BPTF: variants seen among roughly 807,000 people sequenced by gnomAD.
BPTF encodes the protein bromodomain PHD finger transcription factor, also known as nucleosome-remodeling factor subunit BPTF.
A neutral mutation model predicts 292.5 loss-of-function variants in BPTF; 18 were observed. The ratio of observed to expected loss-of-function variants is 0.06; its 90% CI spans 0.04 to 0.09. The LOEUF (loss-of-function observed/expected upper bound fraction) is 0.09. Ranked by LOEUF, BPTF falls within the 10% of genes least tolerant of loss-of-function variation. BPTF has a pLI of 1.00. For synonymous variants in BPTF, 1,225 were observed against 1,251.9 expected (o/e 0.98, Z 0.45); for missense variants, 2,726 against 3,498.7 (o/e 0.78, Z 5.57).
chr17:67,899,054 A>C (rs2061644744), intron 7 of BPTF, among the ~76,000 whole-genome samples: 1 of 152,194 alleles, frequency 6.6e-6, no homozygotes, highest in South Asian at 2.1e-4. Context: ...TAACACATAC[A>C]ATTTTGTTCC....
At chr17:67,909,047 C>A (rs1396138574) in intron 9 of BPTF, among the ~76,000 whole-genome samples, 1 of 151,552 alleles carries the variant, frequency 6.6e-6, no homozygotes, top group Non-Finnish European at 1.5e-5. Context: ...GTTAGCCAGG[C>A]TGGTCTCAAA....
intron 19 of BPTF, among the ~76,000 whole-genome samples, chr17:67,941,084 G>A (rs2065323539): frequency 6.6e-6 from 1 of 152,200 alleles, no homozygotes; most frequent in South Asian, 2.1e-4. Context: ...TTATATGGAG[G>A]TACAAAGTAT....
chr17:67,913,222 A>G (rs994229138), intron 11 of BPTF, 35 bp downstream of exon 11: 3 of 1,522,118 alleles, frequency 2.0e-6, no homozygotes, highest in Non-Finnish European at 2.6e-6. Context: ...GGGAGGGAGA[A>G]AATTTTAAAA....
At chr17:67,964,108 CTATT>C (rs1161565396) in intron 24 of BPTF, 100 bp from the exon 25 acceptor site, 2 of 1,132,576 alleles carry the variant, frequency 1.8e-6, no homozygotes, top group Non-Finnish European at 2.5e-6. Context: ...AATACTAAAA[CTATT>C]TTATATCCCA....
intron 4 of BPTF, among the ~76,000 whole-genome samples, chr17:67,885,696 A>G (rs1567978248): frequency 6.6e-6 from 1 of 152,208 alleles, no homozygotes; most frequent in Admixed American, 6.5e-5. Flanking sequence ...TTCTGTTTCT[A>G]ATACTATTTG....
chr17:67,927,743 T>A (rs1303411570), intron 15 of BPTF, among the ~76,000 whole-genome samples: 2 of 152,200 alleles, frequency 1.3e-5, no homozygotes, highest in Admixed American at 6.5e-5. Context: ...GAAAAACTTG[T>A]TATAAAATTT....
chr17:67,929,172 A>G (rs943569069), intron 16 of BPTF, 164 bp from the exon 17 acceptor site: 1 of 1,396,606 alleles, frequency 7.2e-7, no homozygotes, highest in South Asian at 1.8e-5. Context: ...TACTGTTGCC[A>G]TTATTTTTCA....
chr17:67,907,512 C>A (rs531159984), intron 9 of BPTF, among the ~76,000 whole-genome samples: 1 of 151,898 alleles, frequency 6.6e-6, no homozygotes, highest in African/African-American at 2.4e-5. Context: ...CCCGCCACCA[C>A]GCCGAGCTAA....
intron 24 of BPTF, among the ~76,000 whole-genome samples, chr17:67,961,382 T>C (rs1313278686): frequency 5.3e-5 from 8 of 152,202 alleles, no homozygotes; most frequent in Non-Finnish European, 1.5e-5. Context: ...TTTCGTAATC[T>C]CTTGTCCCAA....
intron 15 of BPTF, among the ~76,000 whole-genome samples, chr17:67,925,992 CTTTTTT>C (rs60083535): frequency 1.1e-3 from 61 of 56,608 alleles, no homozygotes; most frequent in Admixed American, 1.4e-3. Context: ...TAACATATTA[CTTTTTT>C]TTTTTTTTTT....
chr17:67,901,989 A>G (rs932764724), intron 7 of BPTF, among the ~76,000 whole-genome samples: 1 of 152,232 alleles, frequency 6.6e-6, no homozygotes, highest in African/African-American at 2.4e-5. Flanking sequence ...GTGGAGTTGA[A>G]GTTGAGTTCA....
At chr17:67,842,698 C>G (rs2057652351) in intron 1 of BPTF, among the ~76,000 whole-genome samples, 1 of 151,552 alleles carries the variant, frequency 6.6e-6, no homozygotes, top group East Asian at 1.9e-4. Flanking sequence ...GTGATAGAGA[C>G]TGTCCCCAAC....
At chr17:67,876,938 C>T (rs2060085898) in intron 4 of BPTF, among the ~76,000 whole-genome samples, 1 of 152,142 alleles carries the variant, frequency 6.6e-6, no homozygotes, top group Non-Finnish European at 1.5e-5. Flanking sequence ...GGGTCATTAG[C>T]AGGGTGAGAG....
intron 26 of BPTF, among the ~76,000 whole-genome samples, chr17:67,967,953 G>A (rs1196479052): frequency 6.6e-6 from 1 of 151,316 alleles, no homozygotes; most frequent in Non-Finnish European, 1.5e-5. Flanking sequence ...GGGTCTCTTT[G>A]ATCCTCTCAT....
At chr17:67,870,411 A>T (rs2059651248) in intron 3 of BPTF, among the ~76,000 whole-genome samples, 2 of 152,064 alleles carry the variant, frequency 1.3e-5, no homozygotes. Context: ...GGTGTTTTAC[A>T]ATTCTTTAAT....
At position 67,947,292 on chromosome 17, in the gene BPTF, C is replaced by T. The variant is rs140450037; in HGVS notation, c.7618-434C>T. Among the ~76,000 whole-genome samples, 42 of 152,214 alleles carry T rather than the reference C, an allele frequency of 2.8e-4. No individual in the cohort carries two copies. The East Asian group carries it at 5.6e-3, about 20-fold the overall frequency. On this transcript the variant is annotated intron_variant, in intron 21 of 27. Transcript: ENST00000306378. ...AGAATTACTACACTGTCTGTCTATC[C>T]GCTAATCTTTGTATAGGGGAGACGA... is the stretch of plus-strand genomic sequence containing the variant.
chr17:67,906,516 A>C (rs536473253), intron 9 of BPTF, among the ~76,000 whole-genome samples: 2 of 152,344 alleles, frequency 1.3e-5, no homozygotes, highest in African/African-American at 4.8e-5. Context: ...CGATTATTTC[A>C]CGAGGGTGCC....
intron 2 of BPTF, among the ~76,000 whole-genome samples, chr17:67,855,773 T>G (rs1481522545): frequency 6.6e-6 from 1 of 152,218 alleles, no homozygotes; most frequent in Non-Finnish European, 1.5e-5. Context: ...CTTCCAGTTC[T>G]TAGAATTAGG....
chr17:67,881,498 T>G (rs1005237619), intron 4 of BPTF, among the ~76,000 whole-genome samples: 24,472 of 131,400 alleles, frequency 0.19, 2,907 homozygotes, highest in East Asian at 0.57. Context: ...AAGGTTTTTT[T>G]TTTTTTTTTT....
Sources: gnomAD v4.1 joint callset for allele counts (sites outside exome capture counted in the v4.1 genomes callset) on GRCh38, gnomAD v4.1.1 for gene constraint, MANE v1.5 for transcripts, NCBI Gene and HGNC (gene_info 2026-07-23, HGNC 2026-07-21) for gene names.